FHIT: variants seen among roughly 807,000 people sequenced by gnomAD.
FHIT encodes bis(5'-adenosyl)-triphosphatase.
In FHIT, 19 loss-of-function variants were observed where a neutral mutation model predicts 17.9. The observed-to-expected ratio is 1.06, with a 90% confidence interval of 0.74 to 1.56. The LOEUF (loss-of-function observed/expected upper bound fraction) is 1.56, where lower values mean the gene tolerates loss of function less well. Ranked by LOEUF, FHIT falls within the 40% of genes most tolerant of loss-of-function variation. The pLI, the probability that FHIT is intolerant of heterozygous loss-of-function variation, is 0.00. For missense variants in FHIT, 248 were observed against 189.2 expected (o/e 1.31, Z -1.82); for synonymous variants, 81 against 69.7 (o/e 1.16, Z -0.81).
chr3:60,781,639 C>G (rs565410785), intron 4 of FHIT, among the ~76,000 whole-genome samples: 1 of 152,240 alleles, frequency 6.6e-6, no homozygotes, highest in Non-Finnish European at 1.5e-5. Context: ...TATCCTATTG[C>G]TAGCTCTCTC....
At chr3:60,724,751 C>A (rs1315018013) in intron 4 of FHIT, among the ~76,000 whole-genome samples, 1 of 149,392 alleles carries the variant, frequency 6.7e-6, no homozygotes, top group African/African-American at 2.5e-5. Context: ...CAGGTTCAAG[C>A]AGTTCTGCTG....
At chr3:60,803,557 GC>G (rs1240465489) in intron 4 of FHIT, among the ~76,000 whole-genome samples, 7 of 152,192 alleles carry the variant, frequency 4.6e-5, no homozygotes, top group African/African-American at 1.7e-4. Context: ...GGATGAGAAA[GC>G]CTTTTATGTG....
At chr3:60,573,265 T>A (rs1198183370) in intron 4 of FHIT, among the ~76,000 whole-genome samples, 1 of 152,128 alleles carries the variant, frequency 6.6e-6, no homozygotes, top group East Asian at 1.9e-4. Context: ...AAACGTCCCC[T>A]CTGAGGGTGT....
At chr3:59,895,768 A>T (rs377097436) in intron 8 of FHIT, among the ~76,000 whole-genome samples, 20 of 152,212 alleles carry the variant, frequency 1.3e-4, no homozygotes, top group East Asian at 9.6e-4. Context: ...ATGTCCTGTT[A>T]AAGGCGTTAA....
At chr3:60,862,976 T>C (rs1703988083) in intron 3 of FHIT, among the ~76,000 whole-genome samples, 1 of 152,164 alleles carries the variant, frequency 6.6e-6, no homozygotes, top group African/African-American at 2.4e-5. Flanking sequence ...ATAGGAAGGT[T>C]ATCTTGAATT....
chr3:60,844,777 G>T (rs1333278518), intron 3 of FHIT, among the ~76,000 whole-genome samples: 1 of 151,998 alleles, frequency 6.6e-6, no homozygotes, highest in Non-Finnish European at 1.5e-5. Context: ...GTCTATACAG[G>T]TTTAATATGA....
chr3:60,984,398 C>T (rs1174357069), intron 3 of FHIT, among the ~76,000 whole-genome samples: 6 of 152,202 alleles, frequency 3.9e-5, no homozygotes, highest in Admixed American at 2.6e-4. Flanking sequence ...ATTCCACCCC[C>T]ACCTACCAAT....
intron 5 of FHIT, among the ~76,000 whole-genome samples, chr3:60,483,898 A>G (rs1428157714): frequency 6.6e-6 from 1 of 152,150 alleles, no homozygotes; most frequent in Non-Finnish European, 1.5e-5. Context: ...GTCTCTGTTT[A>G]GAGATTACAT....
chr3:60,212,070 C>T (rs529685208), intron 5 of FHIT, among the ~76,000 whole-genome samples: 397 of 152,284 alleles, frequency 2.6e-3, no homozygotes, highest in African/African-American at 9.1e-3. Context: ...CGCCCAGCAT[C>T]GGACCTCACA....
At chr3:60,610,440 G>C (rs1035988378) in intron 4 of FHIT, among the ~76,000 whole-genome samples, 2 of 152,144 alleles carry the variant, frequency 1.3e-5, no homozygotes, top group Non-Finnish European at 2.9e-5. Context: ...TTTCATGCTA[G>C]AGTTTCTACG....
At chr3:60,356,343 C>A (rs889705833) in intron 5 of FHIT, among the ~76,000 whole-genome samples, 1 of 152,044 alleles carries the variant, frequency 6.6e-6, no homozygotes, top group African/African-American at 2.4e-5. Context: ...GGCTCCTGAG[C>A]ACAACAAAAC....
chr3:60,070,971 A>C (rs1702743345), intron 5 of FHIT, among the ~76,000 whole-genome samples: 1 of 152,218 alleles, frequency 6.6e-6, no homozygotes, highest in East Asian at 1.9e-4. Context: ...TATGGTTAAC[A>C]AACTGTTTTT....
At chr3:60,877,773 C>A (rs1553756847) in intron 3 of FHIT, among the ~76,000 whole-genome samples, 1 of 152,040 alleles carries the variant, frequency 6.6e-6, no homozygotes, top group Non-Finnish European at 1.5e-5. Context: ...ACCCTGCTTT[C>A]CTGAAGCTGG....
intron 4 of FHIT, among the ~76,000 whole-genome samples, chr3:60,760,592 G>T (rs192566478): frequency 7.0e-6 from 1 of 142,668 alleles, no homozygotes; most frequent in Non-Finnish European, 1.6e-5. Context: ...GCTCCCGTCA[G>T]CTTAAAACGA....
chr3:60,305,770 G>A (rs897656299), intron 5 of FHIT, among the ~76,000 whole-genome samples: 1 of 152,078 alleles, frequency 6.6e-6, no homozygotes, highest in Non-Finnish European at 1.5e-5. Flanking sequence ...TTTTGGAGGT[G>A]TCTGCAGTCA....
chr3:61,106,657 GT>G, intron 2 of FHIT, among the ~76,000 whole-genome samples: 1 of 151,884 alleles, frequency 6.6e-6, no homozygotes, highest in South Asian at 2.1e-4. Context: ...ACATCTTTTT[GT>G]TTGTTTGTTT....
At position 60,266,462 on chromosome 3, in the gene FHIT, T is replaced by C. The variant is rs186936830; in HGVS notation, c.104-252310A>G. ...TTTCTTTTGGTGGTGATGAAAATGGTCTAAAAATGACTATGGTGATAGTTG... is the reference window on the plus strand; with the variant it reads ...TTTCTTTTGGTGGTGATGAAAATGGCCTAAAAATGACTATGGTGATAGTTG... On this transcript the variant is annotated intron_variant, in intron 5 of 9. Transcript: ENST00000492590. Among the ~76,000 whole-genome samples the C allele has an allele frequency of 6.4e-4, 98 of 152,158 alleles. 1 individual carries two copies. Among genetic ancestry groups the C allele is most frequent in the African/African-American group, 2.2e-3 (90 of 41,546 alleles).
chr3:60,728,430 T>C (rs1336667881), intron 4 of FHIT, among the ~76,000 whole-genome samples: 1 of 152,158 alleles, frequency 6.6e-6, no homozygotes, highest in Non-Finnish European at 1.5e-5. Context: ...TTCTTCAGTT[T>C]ACCATTTAAG....
intron 4 of FHIT, among the ~76,000 whole-genome samples, chr3:60,736,251 A>C (rs376948882): frequency 6.6e-6 from 1 of 152,354 alleles, no homozygotes; most frequent in East Asian, 1.9e-4. Context: ...AGTTAAACAT[A>C]GAGTTACCGT....
Sources: allele counts gnomAD v4.1 joint callset (sites outside exome capture counted in the v4.1 genomes callset), GRCh38; gene constraint gnomAD v4.1.1; transcripts MANE v1.5; gene names NCBI Gene and HGNC (gene_info 2026-07-23, HGNC 2026-07-21).